The following ZNF704 variants were observed in gnomAD, a reference collection of about 807,000 sequenced individuals.
ZNF704 encodes zinc finger protein 704, also known as glucocorticoid induced gene 1.
Under a neutral mutation model 44.7 loss-of-function variants are expected in ZNF704, and 10 were observed. That is an observed-to-expected ratio of 0.22 (90% CI 0.14 to 0.38). The LOEUF is 0.38. ZNF704 is among the 10% of genes least tolerant of loss of function. ZNF704 has a pLI of 1.00. For synonymous variants in ZNF704, 211 were observed against 207.6 expected (o/e 1.02, Z -0.14); for missense variants, 390 against 545.5 (o/e 0.71, Z 2.84).
At chr8:80,851,620 T>A (rs1469067047) in intron 1 of ZNF704, among the ~76,000 whole-genome samples, 1 of 151,854 alleles carries the variant, frequency 6.6e-6, no homozygotes, top group Non-Finnish European at 1.5e-5. Flanking sequence ...ATACACCTAA[T>A]GCTAAATGAC....
chr8:80,766,276 T>C (rs1807226253), intron 2 of ZNF704, among the ~76,000 whole-genome samples: 1 of 152,238 alleles, frequency 6.6e-6, no homozygotes, highest in South Asian at 2.1e-4. Context: ...GAAAATTCCT[T>C]GAGTTCCAAA....
intron 1 of ZNF704, among the ~76,000 whole-genome samples, chr8:80,831,189 A>G (rs1049802335): frequency 2.6e-5 from 4 of 152,202 alleles, no homozygotes; most frequent in Non-Finnish European, 4.4e-5. Context: ...TGGCAACCCA[A>G]GCTGCTGCAA....
At chr8:80,858,899 A>G (rs1243798247) in intron 1 of ZNF704, among the ~76,000 whole-genome samples, 1 of 152,186 alleles carries the variant, frequency 6.6e-6, no homozygotes, top group Non-Finnish European at 1.5e-5. Context: ...ATTCATATTC[A>G]TTGTAAAACT....
At chr8:80,802,309 G>A (rs558620128) in intron 2 of ZNF704, among the ~76,000 whole-genome samples, 3 of 151,820 alleles carry the variant, frequency 2.0e-5, no homozygotes, top group Admixed American at 1.3e-4. Flanking sequence ...AACTGAAAAG[G>A]AGGGACTCCT....
intron 1 of ZNF704, among the ~76,000 whole-genome samples, chr8:80,832,403 C>T (rs188010225): frequency 7.2e-4 from 109 of 152,288 alleles, no homozygotes; most frequent in African/African-American, 2.4e-3. Context: ...TCTCTGACTT[C>T]AGCCCACTTA....
At chr8:80,859,258 A>C (rs1393515072) in intron 1 of ZNF704, among the ~76,000 whole-genome samples, 1 of 152,192 alleles carries the variant, frequency 6.6e-6, no homozygotes, top group Non-Finnish European at 1.5e-5. Context: ...TTCTATGCTA[A>C]AGTAAAAAGA....
intron 2 of ZNF704, among the ~76,000 whole-genome samples, chr8:80,810,455 G>A (rs1808062980): frequency 6.6e-6 from 1 of 151,798 alleles, no homozygotes. Context: ...TTTATAAGCA[G>A]TATGTATTAA....
chr8:80,646,248 G>A (rs1817831918), intron 7 of ZNF704, among the ~76,000 whole-genome samples: 1 of 152,190 alleles, frequency 6.6e-6, no homozygotes, highest in South Asian at 2.1e-4. Flanking sequence ...GGGAGGCCAA[G>A]GTGAATGGAT....
intron 2 of ZNF704, among the ~76,000 whole-genome samples, chr8:80,694,539 T>G (rs1818695638): frequency 6.6e-6 from 1 of 152,242 alleles, no homozygotes; most frequent in Non-Finnish European, 1.5e-5. Context: ...TTGACAAATG[T>G]GGCTTTCATT....
At chr8:80,726,400 T>C (rs1806481324) in intron 2 of ZNF704, among the ~76,000 whole-genome samples, 1 of 152,302 alleles carries the variant, frequency 6.6e-6, no homozygotes, top group African/African-American at 2.4e-5. Flanking sequence ...AAGACACTTT[T>C]CAGCTACAGG....
At chr8:80,869,194 T>C (rs1809207472) in intron 1 of ZNF704, among the ~76,000 whole-genome samples, 1 of 152,242 alleles carries the variant, frequency 6.6e-6, no homozygotes, top group Non-Finnish European at 1.5e-5. Context: ...TAAATTTAGC[T>C]GGGATTATTT....
intron 1 of ZNF704, among the ~76,000 whole-genome samples, chr8:80,858,701 AC>A (rs1809006390): frequency 6.6e-6 from 1 of 152,122 alleles, no homozygotes; most frequent in African/African-American, 2.4e-5. Flanking sequence ...AAAACAAAAA[AC>A]AAACAAAACA....
At position 80,729,612 on chromosome 8, in the gene ZNF704, T is replaced by C. The variant is rs141647396; in HGVS notation, c.222-36505A>G. 2.4e-3 allele frequency among the ~76,000 whole-genome samples: 367 copies of C among 152,276 alleles called. 1 individual carries two copies. The highest frequency in any genetic ancestry group is 8.4e-3 in the African/African-American group (349 of 41,544). On this transcript the variant is annotated intron_variant, in intron 2 of 8. Coordinates refer to ENST00000327835, the MANE Select transcript of ZNF704 (RefSeq NM_001033723.3). ...TCAATCATTTTTCTGTGAAAATTTTTTGAAGTTTTTTCACCAGAACCAGTT... is the reference window on the plus strand; with the variant it reads ...TCAATCATTTTTCTGTGAAAATTTTCTGAAGTTTTTTCACCAGAACCAGTT...
rs1486623477 is a variant in ZNF704, at chr8:80,629,231, C to T, written c.*12135G>A. On this transcript the variant is annotated 3_prime_UTR_variant, in exon 9 of 9. Coordinates refer to ENST00000327835, the MANE Select transcript of ZNF704 (RefSeq NM_001033723.3). Reference sequence around the variant, plus strand: ...TGGAGCAGTCAGGTGAAAGGTTTATCAACCTGAACCTCCACAGGCTGTATT... The same window carrying T: ...TGGAGCAGTCAGGTGAAAGGTTTATTAACCTGAACCTCCACAGGCTGTATT... The T allele has an allele frequency of 2.6e-5, 4 of 152,190 alleles. No individual in the cohort carries two copies. The highest frequency in any genetic ancestry group is 5.9e-5 in the Non-Finnish European group (4 of 68,036). 9.4% of individuals were successfully genotyped at this position (152,190 alleles called of 1,614,324 possible). A position where few individuals can be genotyped will look rare whatever the true frequency, so the allele number is the denominator to read the frequency against.
chr8:80,687,511 G>T, intron 3 of ZNF704, 53 bp from the exon 4 acceptor site: 1 of 1,351,880 alleles, frequency 7.4e-7, no homozygotes, highest in Non-Finnish European at 9.9e-7. Context: ...CCCGGGCATG[G>T]TTCAGTGGGG....
At chr8:80,738,071 T>C (rs1231553089) in intron 2 of ZNF704, among the ~76,000 whole-genome samples, 1 of 152,198 alleles carries the variant, frequency 6.6e-6, no homozygotes, top group Non-Finnish European at 1.5e-5. Flanking sequence ...TGGGTTTGTC[T>C]GATGTATTTT....
In ZNF704 at chr8:80,779,268, T is replaced by C. The variant is rs140060797; in HGVS notation, c.221+42106A>G. Reference sequence around the variant, plus strand: ...TTTGGATGTGTCTTATCTTCATTTGTGTAGTTATTCTCCCCCAGGCTGGTG... The same window carrying C: ...TTTGGATGTGTCTTATCTTCATTTGCGTAGTTATTCTCCCCCAGGCTGGTG... On this transcript the variant is annotated intron_variant, in intron 2 of 8. Transcript: ENST00000327835. Among the ~76,000 whole-genome samples, 413 of 152,290 alleles carry C rather than the reference T, an allele frequency of 2.7e-3. 3 individuals carry two copies. The highest frequency in any genetic ancestry group is 9.4e-3 in the African/African-American group (392 of 41,554).
At chr8:80,739,866 G>A (rs1440886980) in intron 2 of ZNF704, among the ~76,000 whole-genome samples, 8 of 152,086 alleles carry the variant, frequency 5.3e-5, no homozygotes, top group Non-Finnish European at 1.0e-4. Flanking sequence ...TCACTGGAAG[G>A]CCCACTGCCC....
At chr8:80,685,345 C>CT (rs1052975433) in intron 4 of ZNF704, among the ~76,000 whole-genome samples, 25 of 151,992 alleles carry the variant, frequency 1.6e-4, no homozygotes, top group Non-Finnish European at 2.9e-5. Flanking sequence ...CATTAATGTG[C>CT]CTTAAATAAC....
Sources: allele counts gnomAD v4.1 joint callset (sites outside exome capture counted in the v4.1 genomes callset), GRCh38; gene constraint gnomAD v4.1.1; transcripts MANE v1.5; gene names NCBI Gene and HGNC (gene_info 2026-07-23, HGNC 2026-07-21).